The following MAST4 variants were observed in gnomAD, a reference collection of about 807,000 sequenced individuals.
The protein encoded by MAST4 is microtubule-associated serine/threonine-protein kinase 4.
Under a neutral mutation model 162.7 loss-of-function variants are expected in MAST4, and 89 were observed. That is an observed-to-expected ratio of 0.55 (90% CI 0.46 to 0.65). The LOEUF (loss-of-function observed/expected upper bound fraction) is 0.65. MAST4 is among the 30% of genes least tolerant of loss of function. The probability of loss-of-function intolerance (pLI) is 0.00; values close to 1 mark genes in which losing one functional copy is unlikely to be tolerated. For missense variants in MAST4, 3,153 were observed against 3,374.0 expected (o/e 0.93, Z 1.62); for synonymous variants, 1,479 against 1,361.1 (o/e 1.09, Z -1.91).
At chr5:67,146,646 A>G (rs927504718) in intron 23 of MAST4, among the ~76,000 whole-genome samples, 6 of 152,110 alleles carry the variant, frequency 3.9e-5, no homozygotes, top group African/African-American at 9.7e-5. Flanking sequence ...ATTTATTTCA[A>G]CCTCACTAAG....
intron 3 of MAST4, among the ~76,000 whole-genome samples, chr5:66,842,483 C>T (rs566298128): frequency 2.0e-5 from 3 of 152,150 alleles, no homozygotes; most frequent in African/African-American, 7.2e-5. Flanking sequence ...TTGTACACTG[C>T]CTTGTCTGTT....
intron 1 of MAST4, among the ~76,000 whole-genome samples, chr5:66,693,361 A>G (rs999346256): frequency 7.2e-5 from 11 of 152,352 alleles, no homozygotes; most frequent in Admixed American, 2.6e-4. Flanking sequence ...AGGTACAACA[A>G]AAGCTGCAAA....
rs116593068 is a variant in MAST4 at position 66,734,433 on chromosome 5, C to T, written c.364-25276C>T. Among the ~76,000 whole-genome samples the T allele has an allele frequency of 7.0e-3, 1,065 of 152,284 alleles. 9 individuals are homozygous for T. Among genetic ancestry groups the T allele is most frequent in the African/African-American group, 0.025 (1,025 of 41,546 alleles). On this transcript the variant is annotated intron_variant, in intron 1 of 28. Transcript: ENST00000403625. Reference sequence around the variant, plus strand: ...TATTGTGTAATGTGGGCCATTGATCCATTGCACTCAAAATTCTTAATCTTA... The same window carrying T: ...TATTGTGTAATGTGGGCCATTGATCTATTGCACTCAAAATTCTTAATCTTA...
intron 6 of MAST4, among the ~76,000 whole-genome samples, chr5:67,094,685 T>C (rs1764238883): frequency 6.6e-6 from 1 of 152,220 alleles, no homozygotes; most frequent in Non-Finnish European, 1.5e-5. Context: ...TGCTTTCTGT[T>C]GTCCCCTTCC....
intron 4 of MAST4, among the ~76,000 whole-genome samples, chr5:66,958,678 C>G (rs916709034): frequency 2.6e-5 from 4 of 152,090 alleles, no homozygotes; most frequent in African/African-American, 9.7e-5. Context: ...AGAGAAAGAT[C>G]TAATTATTTT....
chr5:66,835,190 C>T (rs1757877882), intron 3 of MAST4, among the ~76,000 whole-genome samples: 1 of 152,176 alleles, frequency 6.6e-6, no homozygotes, highest in African/African-American at 2.4e-5. Context: ...AAGTCTCATC[C>T]ATTATGTTGT....
chr5:67,062,230 T>G (rs534752276), intron 5 of MAST4, among the ~76,000 whole-genome samples: 12 of 152,204 alleles, frequency 7.9e-5, no homozygotes, highest in African/African-American at 2.9e-4. Context: ...TGAAACCATC[T>G]TTACTAAAAA....
intron 1 of MAST4, among the ~76,000 whole-genome samples, chr5:66,740,207 TA>T (rs1438169237): frequency 2.0e-5 from 3 of 152,312 alleles, no homozygotes; most frequent in Admixed American, 2.0e-4. Flanking sequence ...GAGGCTGATG[TA>T]AACTCTTAAA....
chr5:67,046,651 G>A (rs1315989549), intron 4 of MAST4, among the ~76,000 whole-genome samples: 1 of 152,190 alleles, frequency 6.6e-6, no homozygotes, highest in Non-Finnish European at 1.5e-5. Context: ...TGAAGACAGA[G>A]AATTGGGCCA....
chr5:66,869,015 C>T (rs1340887644), intron 3 of MAST4, among the ~76,000 whole-genome samples: 2 of 152,192 alleles, frequency 1.3e-5, no homozygotes, highest in Admixed American at 6.5e-5. Context: ...TTAATTTGCA[C>T]ATTGACTGTA....
At chr5:66,678,696 T>C (rs1748120387) in intron 1 of MAST4, among the ~76,000 whole-genome samples, 2 of 152,018 alleles carry the variant, frequency 1.3e-5, no homozygotes, top group Non-Finnish European at 2.9e-5. Context: ...GGTTTCACCA[T>C]GTTGGCCACA....
chr5:66,870,194 G>C (rs1465350999), intron 3 of MAST4, among the ~76,000 whole-genome samples: 1 of 152,148 alleles, frequency 6.6e-6, no homozygotes, highest in Non-Finnish European at 1.5e-5. Flanking sequence ...CTAAATCTCT[G>C]TTTCAGCCAA....
intron 5 of MAST4, among the ~76,000 whole-genome samples, chr5:67,087,517 G>A (rs1047539013): frequency 1.3e-5 from 2 of 152,138 alleles, no homozygotes; most frequent in African/African-American, 2.4e-5. Context: ...AAACTGTCTC[G>A]ATTGCCTTGC....
intron 1 of MAST4, among the ~76,000 whole-genome samples, chr5:66,707,247 C>T (rs1328795651): frequency 1.3e-5 from 2 of 152,146 alleles, no homozygotes; most frequent in African/African-American, 2.4e-5. Flanking sequence ...ACGTCACAAA[C>T]GGGCTTCCGG....
chr5:66,651,773 TG>T (rs1281360386), intron 1 of MAST4, among the ~76,000 whole-genome samples: 3 of 152,050 alleles, frequency 2.0e-5, no homozygotes, highest in Non-Finnish European at 2.9e-5. Context: ...AAAGCTCAGC[TG>T]GGGGAAGACC....
intron 1 of MAST4, among the ~76,000 whole-genome samples, chr5:66,601,067 G>T (rs189266996): frequency 1.3e-5 from 2 of 152,294 alleles, no homozygotes; most frequent in East Asian, 1.9e-4. Context: ...TAATATTTTG[G>T]ATGTGTTTAT....
intron 4 of MAST4, among the ~76,000 whole-genome samples, chr5:67,026,041 T>C (rs1472292954): frequency 6.6e-6 from 1 of 152,212 alleles, no homozygotes; most frequent in East Asian, 1.9e-4. Flanking sequence ...AGTAAAATCT[T>C]TGAAATACAA....
intron 4 of MAST4, among the ~76,000 whole-genome samples, chr5:66,917,538 A>T (rs528148469): frequency 6.6e-6 from 1 of 152,054 alleles, no homozygotes; most frequent in African/African-American, 2.4e-5. Context: ...ATTTTTAAAA[A>T]AACATTCAAT....
At chr5:66,696,357 TAA>T (rs533804688) in intron 1 of MAST4, among the ~76,000 whole-genome samples, 2 of 145,902 alleles carry the variant, frequency 1.4e-5, no homozygotes, top group South Asian at 2.2e-4. Context: ...CCCAGAACTT[TAA>T]AAAAAAAAAA....
Sources: allele counts gnomAD v4.1 joint callset (sites outside exome capture counted in the v4.1 genomes callset), GRCh38; gene constraint gnomAD v4.1.1; transcripts MANE v1.5; gene names NCBI Gene and HGNC (gene_info 2026-07-23, HGNC 2026-07-21).